The following OR4K5 variants were observed in gnomAD, a reference collection of about 807,000 sequenced individuals.
OR4K5 encodes the protein olfactory receptor 4K5.
For synonymous variants in OR4K5, 187 were observed against 142.2 expected (o/e 1.31, Z -2.24); for missense variants, 520 against 377.1 (o/e 1.38, Z -3.14).
At position 19,921,406 on chromosome 14, in the gene OR4K5, T is replaced by C. The variant is rs745698407; in HGVS notation, c.800T>C (p.Leu267Ser). The change falls in exon 1 of 1, where the codon TTG becomes TCG. Residue 267 changes from leucine (L) to serine (S), a missense_variant. By Grantham distance (145) the Leu-to-Ser change is moderately radical. Coordinates refer to ENST00000315915, the MANE Select transcript of OR4K5 (RefSeq NM_001005483.1). ...IYVWPFTISP[L>S]DKFLAIFYTV... ...GTGTGGCCCTTTACCATCTCTCCTT[T>C]GGATAAATTTCTTGCCATATTTTAC... 6.2e-7 allele frequency: 1 copy of C among 1,614,180 alleles called. No individual in the cohort carries two copies. The highest frequency in any genetic ancestry group is 8.5e-7 in the Non-Finnish European group (1 of 1,179,988).
Position 19,920,776 on chromosome 14 carries a change from C to G in OR4K5, c.170C>G (p.Ser57Cys). ...LTVTSDTSLH[S>C]PMYFLLGNLS... ...GTGACTTCTGATACCAGCCTGCACT[C>G]CCCTATGTACTTTCTCTTGGGAAAC... Residue 57 changes from serine to cysteine, a missense_variant, in exon 1 of 1, where the codon TCC becomes TGC. Ser to Cys is a moderately radical substitution (Grantham distance 112). Coordinates refer to ENST00000315915, the MANE Select transcript of OR4K5 (RefSeq NM_001005483.1). The G allele has an allele frequency of 6.2e-7, 1 of 1,614,192 alleles. No homozygotes were observed. The highest frequency in any genetic ancestry group is 8.5e-7 in the Non-Finnish European group (1 of 1,179,994).
rs1260196216 is a variant in OR4K5, at chr14:19,921,314, A to C, written c.708A>C (p.Ala236=). The change falls in exon 1 of 1, where the codon GCA becomes GCC. Residue 236 remains alanine (A), a synonymous_variant. Transcript: ENST00000315915. ...WLKSSAAMAK[A]FSTLASHIAV... is the part of the protein sequence containing the mutation. Reference sequence around the variant, plus strand: ...AGTCTTCAGCTGCAATGGCAAAGGCATTTTCTACGCTGGCTTCCCATATTG... The same window carrying C: ...AGTCTTCAGCTGCAATGGCAAAGGCCTTTTCTACGCTGGCTTCCCATATTG... 6.2e-7 allele frequency: 1 copy of C among 1,614,164 alleles called. No individual in the cohort carries two copies. Among genetic ancestry groups the C allele is most frequent in the Non-Finnish European group, 8.5e-7 (1 of 1,180,004 alleles).
Position 19,920,938 on chromosome 14 carries a change from A to T in OR4K5, c.332A>T (p.Glu111Val), listed in dbSNP as rs574403714. The T allele has an allele frequency of 6.2e-7, 1 of 1,613,920 alleles. No homozygotes were observed. Among genetic ancestry groups the T allele is most frequent in the Non-Finnish European group, 8.5e-7 (1 of 1,179,976 alleles). The change falls in exon 1 of 1, where the codon GAG (glutamate) becomes GTG (valine). Residue 111 changes from glutamate (E) to valine (V), a missense_variant. Transcript: ENST00000315915. ...TTTATTCACCTTTTTACTGGAGGGG[A>T]GATGGTGCTACTTGTTTCGATGGCC... ...IFFIHLFTGG[E>V]MVLLVSMAYD... is the part of the protein sequence containing the mutation.
chr14:19,921,300 G>T lies in OR4K5; in HGVS notation c.694G>T (p.Ala232Ser). The T allele has an allele frequency of 6.2e-7, 1 of 1,614,190 alleles. No homozygotes were observed. Among genetic ancestry groups the T allele is most frequent in the Non-Finnish European group, 8.5e-7 (1 of 1,179,998 alleles). Residue 232 changes from alanine to serine, a missense_variant, in exon 1 of 1, where the codon GCA becomes TCA. By Grantham distance (99) the Ala-to-Ser change is moderately conservative. Transcript: ENST00000315915. ...LVTVWLKSSA[A>S]MAKAFSTLAS... ...TACAGTTTGGCTCAAGTCTTCAGCTGCAATGGCAAAGGCATTTTCTACGCT... is the reference window on the plus strand; with the variant it reads ...TACAGTTTGGCTCAAGTCTTCAGCTTCAATGGCAAAGGCATTTTCTACGCT...
chr14:19,921,059 G>A lies in OR4K5; in HGVS notation c.453G>A (p.Val151=), dbSNP rs1157668595. 1.2e-6 allele frequency: 2 copies of A among 1,614,204 alleles called. No individual in the cohort carries two copies. Among genetic ancestry groups the A allele is most frequent in the Admixed American group, 1.7e-5 (1 of 60,010 alleles). The change falls in exon 1 of 1, where the codon GTG becomes GTA. Residue 151 remains valine, a synonymous_variant. Transcript: ENST00000315915. The part of the protein sequence containing the change: ...CTVLVMISWA[V]SLVHTLSQLS... ...TCTTGGTAATGATCTCCTGGGCTGT[G>A]AGCTTGGTGCACACATTAAGCCAGT...
In OR4K5 at chr14:19,920,725, T is replaced by C; in HGVS notation, c.119T>C (p.Leu40Pro). 1 of 1,614,150 alleles carries C rather than the reference T, an allele frequency of 6.2e-7. No homozygotes were observed. Among genetic ancestry groups the C allele is most frequent in the Non-Finnish European group, 8.5e-7 (1 of 1,179,974 alleles). Reference sequence around the variant, plus strand: ...TCTGTGTTGTATACAGTCATTGTGCTGGGAAATCTTCTCATTATCCTCACA... The same window carrying C: ...TCTGTGTTGTATACAGTCATTGTGCCGGGAAATCTTCTCATTATCCTCACA... Reference protein sequence around the residue: ...FFSVLYTVIVLGNLLIILTVT... With the variant: ...FFSVLYTVIVPGNLLIILTVT... The change falls in exon 1 of 1, where the codon CTG (leucine) becomes CCG (proline). Residue 40 changes from leucine (L) to proline (P), a missense_variant. By Grantham distance (98) the Leu-to-Pro change is moderately conservative (BLOSUM62 -3). Coordinates refer to ENST00000315915, the MANE Select transcript of OR4K5 (RefSeq NM_001005483.1).
Position 19,920,991 on chromosome 14 carries a change from C to T in OR4K5, c.385C>T (p.Pro129Ser), listed in dbSNP as rs1486900444. Residue 129 changes from proline to serine, a missense_variant, in exon 1 of 1, where the codon CCC becomes TCC. By Grantham distance (74) the Pro-to-Ser change is moderately conservative (BLOSUM62 -1). Transcript: ENST00000315915. Reference sequence around the variant, plus strand: ...TGACAGGTATGTAGCCATATGCAAACCCTTATACTATGTGGTCATCATGAG... The same window carrying T: ...TGACAGGTATGTAGCCATATGCAAATCCTTATACTATGTGGTCATCATGAG... ...AYDRYVAICKPLYYVVIMSRR... is the reference protein window; with the variant it reads ...AYDRYVAICKSLYYVVIMSRR... 1 of 1,614,154 alleles carries T rather than the reference C, an allele frequency of 6.2e-7. No homozygotes were observed. The highest frequency in any genetic ancestry group is 1.1e-5 in the South Asian group (1 of 91,076).
rs761923891 is a variant in OR4K5, at chr14:19,920,667, CA to C, written c.66del (p.Lys22AsnfsTer28). The C allele has an allele frequency of 3.1e-6, 5 of 1,613,880 alleles. No homozygotes were observed. Among genetic ancestry groups the C allele is most frequent in the East Asian group, 2.2e-5 (1 of 44,876 alleles). Reference sequence around the variant, plus strand: ...TGTACTGTTGGGACTCTGTAGTTCTCAAAAACTCCAGCTTTTCTATTTTTGT... The same window carrying C: ...TGTACTGTTGGGACTCTGTAGTTCTCAAAACTCCAGCTTTTCTATTTTTGT... ...EFVLLGLCSS[Q>X]KLQLFYFCFF... is the part of the protein sequence containing the mutation. On this transcript the variant is annotated frameshift_variant, in exon 1 of 1. Transcript: ENST00000315915. LOFTEE classifies it low-confidence loss of function (END_TRUNC).
rs778294269 is a variant in OR4K5 at position 19,921,157 on chromosome 14, T to C, written c.551T>C (p.Val184Ala). 2 of 1,614,138 alleles carry C rather than the reference T, an allele frequency of 1.2e-6. No homozygotes were observed. The highest frequency in any genetic ancestry group is 1.7e-6 in the Non-Finnish European group (2 of 1,179,984). ...AGCTTTTTTTGTGATCTTCCTCGAG[T>C]CACCAAACTTGCCTGCCTGGACTCT... Reference protein sequence around the residue: ...VDSFFCDLPRVTKLACLDSYI... With the variant: ...VDSFFCDLPRATKLACLDSYI... Residue 184 changes from valine to alanine, a missense_variant, in exon 1 of 1, where the codon GTC (valine) becomes GCC (alanine). Physicochemically the swap from Val to Ala is moderately conservative, Grantham distance 64. Transcript: ENST00000315915.
chr14:19,920,867 T>C lies in OR4K5; in HGVS notation c.261T>C (p.Ser87=), dbSNP rs771065583. 62 of 1,614,092 alleles carry C rather than the reference T, an allele frequency of 3.8e-5. No homozygotes were observed. In the Admixed American group the frequency reaches 9.7e-4, roughly 25 times the overall value. ...ATPKMIADFL[S]AHETISFSGC... ...CTAAAATGATTGCAGATTTTCTGAG[T>C]GCACACGAGACCATATCTTTCAGTG... The change falls in exon 1 of 1, where the codon AGT becomes AGC. Residue 87 remains serine, a synonymous_variant. Transcript: ENST00000315915.
chr14:19,920,715 G>A lies in OR4K5; in HGVS notation c.109G>A (p.Val37Ile). ...YFCFFSVLYT[V>I]IVLGNLLIIL... ...TTGTTTCTTCTCTGTGTTGTATACA[G>A]TCATTGTGCTGGGAAATCTTCTCAT... The change falls in exon 1 of 1, where the codon GTC becomes ATC. Residue 37 changes from valine (V) to isoleucine (I), a missense_variant. Coordinates refer to ENST00000315915, the MANE Select transcript of OR4K5 (RefSeq NM_001005483.1). 1 of 1,614,100 alleles carries A rather than the reference G, an allele frequency of 6.2e-7. No individual in the cohort carries two copies. The highest frequency in any genetic ancestry group is 8.5e-7 in the Non-Finnish European group (1 of 1,179,954).
Position 19,921,011 on chromosome 14 carries a change from C to G in OR4K5, c.405C>G (p.Ile135Met). 6.2e-7 allele frequency: 1 copy of G among 1,614,190 alleles called. No individual in the cohort carries two copies. Residue 135 changes from isoleucine (I) to methionine (M), a missense_variant, in exon 1 of 1, where the codon ATC (isoleucine) becomes ATG (methionine). By Grantham distance (10) the Ile-to-Met change is conservative. Transcript: ENST00000315915. The stretch of plus-strand genomic sequence containing the variant: ...GCAAACCCTTATACTATGTGGTCAT[C>G]ATGAGCCGAAGGACATGCACTGTCT... ...AICKPLYYVV[I>M]MSRRTCTVLV... is the part of the protein sequence containing the mutation.
chr14:19,921,241 C>T lies in OR4K5; in HGVS notation c.635C>T (p.Ser212Phe). The change falls in exon 1 of 1, where the codon TCT becomes TTT. Residue 212 changes from serine to phenylalanine, a missense_variant. Physicochemically the swap from Ser to Phe is radical, Grantham distance 155. Coordinates refer to ENST00000315915, the MANE Select transcript of OR4K5 (RefSeq NM_001005483.1). ...GGAATTCTTTCCCTAAGCACTTTCT[C>T]TCTCTTGGTCAGCTCCTACATCATT... ...NSGILSLSTFSLLVSSYIIIL... is the reference protein window; with the variant it reads ...NSGILSLSTFFLLVSSYIIIL... 1 of 1,614,188 alleles carries T rather than the reference C, an allele frequency of 6.2e-7. No individual in the cohort carries two copies. Among genetic ancestry groups the T allele is most frequent in the Non-Finnish European group, 8.5e-7 (1 of 1,179,984 alleles).
In OR4K5 at chr14:19,921,160, C is replaced by G; in HGVS notation, c.554C>G (p.Thr185Ser). 1 of 1,614,154 alleles carries G rather than the reference C, an allele frequency of 6.2e-7. No homozygotes were observed. Among genetic ancestry groups the G allele is most frequent in the South Asian group, 1.1e-5 (1 of 91,084 alleles). Reference protein sequence around the residue: ...DSFFCDLPRVTKLACLDSYII... With the variant: ...DSFFCDLPRVSKLACLDSYII... ...TTTTTTTGTGATCTTCCTCGAGTCACCAAACTTGCCTGCCTGGACTCTTAC... is the reference window on the plus strand; with the variant it reads ...TTTTTTTGTGATCTTCCTCGAGTCAGCAAACTTGCCTGCCTGGACTCTTAC... Residue 185 changes from threonine to serine, a missense_variant, in exon 1 of 1, where the codon ACC becomes AGC. Physicochemically the swap from Thr to Ser is moderately conservative, Grantham distance 58. Coordinates refer to ENST00000315915, the MANE Select transcript of OR4K5 (RefSeq NM_001005483.1).
Position 19,921,387 on chromosome 14 carries a change from CCCTTTACCATCTCT to C in OR4K5, c.787_800del (p.Thr263GlyfsTer2). On this transcript the variant is annotated frameshift_variant, in exon 1 of 1. Transcript: ENST00000315915. LOFTEE classifies it low-confidence loss of function (END_TRUNC). ...ACCTTGCATCTTCATCTATGTGTGG[CCCTTTACCATCTCT>C]CCTTTGGATAAATTTCTTGCCATAT... The C allele has an allele frequency of 1.2e-6, 2 of 1,614,120 alleles. No homozygotes were observed. The highest frequency in any genetic ancestry group is 1.7e-6 in the Non-Finnish European group (2 of 1,179,962).
In OR4K5 at chr14:19,921,405, T is replaced by G. The variant is rs778737403; in HGVS notation, c.799T>G (p.Leu267Val). Residue 267 changes from leucine (L) to valine (V), a missense_variant, in exon 1 of 1, where the codon TTG (leucine) becomes GTG (valine). Physicochemically the swap from Leu to Val is conservative, Grantham distance 32. Coordinates refer to ENST00000315915, the MANE Select transcript of OR4K5 (RefSeq NM_001005483.1). ...TGTGTGGCCCTTTACCATCTCTCCT[T>G]TGGATAAATTTCTTGCCATATTTTA... ...IYVWPFTISP[L>V]DKFLAIFYTV... The G allele has an allele frequency of 3.1e-6, 5 of 1,614,030 alleles. No homozygotes were observed. Among genetic ancestry groups the G allele is most frequent in the Non-Finnish European group, 4.2e-6 (5 of 1,179,990 alleles).
At position 19,921,408 on chromosome 14, in the gene OR4K5, G is replaced by C. The variant is rs1276904164; in HGVS notation, c.802G>C (p.Asp268His). ...YVWPFTISPL[D>H]KFLAIFYTVF... ...GTGGCCCTTTACCATCTCTCCTTTG[G>C]ATAAATTTCTTGCCATATTTTACAC... Residue 268 changes from aspartate (D) to histidine (H), a missense_variant, in exon 1 of 1, where the codon GAT becomes CAT. Asp to His is a moderately conservative substitution (Grantham distance 81). Transcript: ENST00000315915. 1 of 1,613,894 alleles carries C rather than the reference G, an allele frequency of 6.2e-7. No homozygotes were observed. Among genetic ancestry groups the C allele is most frequent in the Non-Finnish European group, 8.5e-7 (1 of 1,179,966 alleles).
Position 19,920,611 on chromosome 14 carries a change from A to G in OR4K5, c.5A>G (p.Asp2Gly), listed in dbSNP as rs1594448098. 1 of 1,601,856 alleles carries G rather than the reference A, an allele frequency of 6.2e-7. No homozygotes were observed. The highest frequency in any genetic ancestry group is 8.5e-7 in the Non-Finnish European group (1 of 1,174,944). M[D>G]KSNSSVVSEF... ...ACAAGTTTGCAGCTTGGAACCATGG[A>G]TAAGTCCAATTCTTCAGTGGTGTCT... Residue 2 changes from aspartate to glycine, a missense_variant, in exon 1 of 1, where the codon GAT (aspartate) becomes GGT (glycine). Asp to Gly is a moderately conservative substitution (Grantham distance 94, BLOSUM62 -1). Coordinates refer to ENST00000315915, the MANE Select transcript of OR4K5 (RefSeq NM_001005483.1).
chr14:19,920,852 T>G lies in OR4K5; in HGVS notation c.246T>G (p.Ile82Met). The change falls in exon 1 of 1, where the codon ATT (isoleucine) becomes ATG (methionine). Residue 82 changes from isoleucine to methionine, a missense_variant. By Grantham distance (10) the Ile-to-Met change is conservative (BLOSUM62 1). Coordinates refer to ENST00000315915, the MANE Select transcript of OR4K5 (RefSeq NM_001005483.1). Reference sequence around the variant, plus strand: ...CTTCTTTTGCTACCCCTAAAATGATTGCAGATTTTCTGAGTGCACACGAGA... The same window carrying G: ...CTTCTTTTGCTACCCCTAAAATGATGGCAGATTTTCTGAGTGCACACGAGA... ...CQASFATPKM[I>M]ADFLSAHETI... 6.2e-7 allele frequency: 1 copy of G among 1,614,242 alleles called. No individual in the cohort carries two copies.
Sources: allele counts gnomAD v4.1 joint callset, GRCh38; gene constraint gnomAD v4.1.1; transcripts MANE v1.5; gene names NCBI Gene and HGNC (gene_info 2026-07-23, HGNC 2026-07-21).